Variants in PTPRQ observed in about 807,000 individuals in gnomAD.
The protein encoded by PTPRQ is protein tyrosine phosphatase receptor type Q, also known as phosphatidylinositol phosphatase PTPRQ.
A neutral mutation model predicts 246.0 loss-of-function variants in PTPRQ; 199 were observed. That is an observed-to-expected ratio of 0.81 (90% CI 0.72 to 0.91). The LOEUF (loss-of-function observed/expected upper bound fraction) is 0.91, where lower values mean the gene tolerates loss of function less well. Ranked by LOEUF, PTPRQ falls within the 40% of genes least tolerant of loss-of-function variation. PTPRQ has a pLI of 0.00. For missense variants in PTPRQ, 2,624 were observed against 2,528.4 expected (o/e 1.04, Z -0.81); for synonymous variants, 869 against 853.2 (o/e 1.02, Z -0.32).
In PTPRQ at chr12:80,534,108, A is replaced by C. The variant is rs1198077578; in HGVS notation, c.2772A>C (p.Thr924=). 6.5e-7 allele frequency: 1 copy of C among 1,541,966 alleles called. No homozygotes were observed. Among genetic ancestry groups the C allele is most frequent in the Non-Finnish European group, 8.7e-7 (1 of 1,142,978 alleles). ...DYNVEYSAYV[T]ASTRFGDGKT... Reference sequence around the variant, plus strand: ...ATGTTGAATACAGTGCTTATGTAACAGCTAGCACCAGATTTGGTGATGGGA... The same window carrying C: ...ATGTTGAATACAGTGCTTATGTAACCGCTAGCACCAGATTTGGTGATGGGA... The change falls in exon 18 of 45, where the codon ACA becomes ACC. Residue 924 remains threonine (T), a synonymous_variant. Coordinates refer to ENST00000644991, the MANE Select transcript of PTPRQ (RefSeq NM_001145026.2).
intron 27 of PTPRQ, among the ~76,000 whole-genome samples, chr12:80,610,059 C>T (rs1392464559): frequency 6.6e-6 from 1 of 150,388 alleles, no homozygotes; most frequent in Admixed American, 6.7e-5. Context: ...TCAAATACTA[C>T]AGGAGCTATA....
intron 27 of PTPRQ, among the ~76,000 whole-genome samples, chr12:80,607,972 G>T (rs1255068876): frequency 1.3e-5 from 2 of 150,802 alleles, no homozygotes; most frequent in Admixed American, 1.3e-4. Flanking sequence ...GCTAATTATA[G>T]AGTTTGAGGT....
intron 17 of PTPRQ, chr12:80,525,853 G>T (rs1895669774): frequency 6.6e-6 from 1 of 151,968 alleles, no homozygotes; most frequent in Non-Finnish European, 1.5e-5. Context: ...TTGACCTATT[G>T]AAAAGCTCAG....
intron 25 of PTPRQ, among the ~76,000 whole-genome samples, chr12:80,563,328 G>A (rs924162924): frequency 1.3e-5 from 2 of 152,000 alleles, no homozygotes; most frequent in African/African-American, 4.8e-5. Context: ...GCAGCACTCT[G>A]CAGCCTAATC....
At chr12:80,467,295 A>T (rs1367517802) in intron 6 of PTPRQ, among the ~76,000 whole-genome samples, 2 of 152,106 alleles carry the variant, frequency 1.3e-5, no homozygotes, top group Non-Finnish European at 2.9e-5. Flanking sequence ...TGCAAATCAA[A>T]ACCACAATGA....
intron 26 of PTPRQ, among the ~76,000 whole-genome samples, chr12:80,602,315 T>C (rs1242715027): frequency 6.6e-6 from 1 of 151,868 alleles, no homozygotes; most frequent in African/African-American, 2.4e-5. Flanking sequence ...CATAATGTTA[T>C]ATGCCTAAGA....
rs1894577432 is a variant in PTPRQ, at chr12:80,495,261, C to T, written c.1772C>T (p.Pro591Leu). 3.2e-6 allele frequency: 5 copies of T among 1,545,410 alleles called. No homozygotes were observed. The South Asian group carries it at 6.1e-5, about 19-fold the overall frequency. Reference protein sequence around the residue: ...SSSSILLYWDPPEYPNGKITH... With the variant: ...SSSSILLYWDLPEYPNGKITH... ...TCATCTATTTTGTTATATTGGGATC[C>T]TCCAGAATATCCCAATGGAAAAATA... The change falls in exon 12 of 45, where the codon CCT becomes CTT. Residue 591 changes from proline (P) to leucine (L), a missense_variant. Pro to Leu is a moderately conservative substitution (Grantham distance 98). Coordinates refer to ENST00000644991, the MANE Select transcript of PTPRQ (RefSeq NM_001145026.2).
chr12:80,468,308 T>G (rs746386046), intron 6 of PTPRQ, among the ~76,000 whole-genome samples: 16 of 152,142 alleles, frequency 1.1e-4, no homozygotes, highest in Non-Finnish European at 2.4e-4. Flanking sequence ...CTACCTGTGT[T>G]AATAAGAGAG....
intron 3 of PTPRQ, among the ~76,000 whole-genome samples, chr12:80,455,532 T>C (rs1340924291): frequency 6.6e-6 from 1 of 152,076 alleles, no homozygotes; most frequent in East Asian, 1.9e-4. Flanking sequence ...TTTCAACAAA[T>C]ATTTCTTGAA....
intron 7 of PTPRQ, among the ~76,000 whole-genome samples, chr12:80,469,739 C>G (rs1893564730): frequency 6.6e-6 from 1 of 152,202 alleles, no homozygotes; most frequent in Admixed American, 6.5e-5. Flanking sequence ...AGATAATTCC[C>G]TCCACTCACC....
intron 4 of PTPRQ, 73 bp downstream of exon 4, chr12:80,457,717 T>A (rs534698075): frequency 1.5e-5 from 6 of 398,776 alleles, no homozygotes; most frequent in Non-Finnish European, 2.2e-5. Flanking sequence ...AGAACATAAA[T>A]AAAAACTGAC....
At chr12:80,457,937 A>G (rs1592527041) in intron 4 of PTPRQ, among the ~76,000 whole-genome samples, 1 of 152,040 alleles carries the variant, frequency 6.6e-6, no homozygotes, top group African/African-American at 2.4e-5. Context: ...ATTTTGGTGC[A>G]TTTCTGGCTT....
chr12:80,661,694 G>A (rs924493843), intron 39 of PTPRQ, among the ~76,000 whole-genome samples: 1 of 151,324 alleles, frequency 6.6e-6, no homozygotes, highest in Non-Finnish European at 1.5e-5. Context: ...GAGCTTATAT[G>A]GGTAAATAAA....
chr12:80,547,798 GT>G (rs1896351634), intron 24 of PTPRQ, among the ~76,000 whole-genome samples: 1 of 152,128 alleles, frequency 6.6e-6, no homozygotes, highest in Non-Finnish European at 1.5e-5. Context: ...TTTATAGAGT[GT>G]TGTACACACA....
intron 24 of PTPRQ, among the ~76,000 whole-genome samples, chr12:80,548,557 TAG>T (rs1896377308): frequency 1.3e-5 from 2 of 152,156 alleles, no homozygotes; most frequent in African/African-American, 4.8e-5. Flanking sequence ...TAGAGCGGTG[TAG>T]GCAGATCAGG....
At chr12:80,505,292 A>C (rs925211906) in intron 14 of PTPRQ, among the ~76,000 whole-genome samples, 3 of 151,868 alleles carry the variant, frequency 2.0e-5, no homozygotes, top group Admixed American at 1.3e-4. Flanking sequence ...GCCAGTCACC[A>C]CTGAATTCTA....
intron 14 of PTPRQ, among the ~76,000 whole-genome samples, chr12:80,502,175 G>A (rs1386774398): frequency 6.6e-6 from 1 of 151,914 alleles, no homozygotes; most frequent in African/African-American, 2.4e-5. Context: ...GAGGGATAGA[G>A]CTTGGAAAGG....
At chr12:80,637,443 G>T (rs1485097326) in intron 35 of PTPRQ, among the ~76,000 whole-genome samples, 1 of 152,104 alleles carries the variant, frequency 6.6e-6, no homozygotes, top group East Asian at 1.9e-4. Context: ...TACACACAGA[G>T]AATTAGTATA....
At chr12:80,559,196 C>A (rs1896754350) in intron 25 of PTPRQ, among the ~76,000 whole-genome samples, 1 of 152,170 alleles carries the variant, frequency 6.6e-6, no homozygotes, top group African/African-American at 2.4e-5. Flanking sequence ...AGACGCGTGC[C>A]ACCATGCCCG....
Sources: allele counts gnomAD v4.1 joint callset (sites outside exome capture counted in the v4.1 genomes callset), GRCh38; gene constraint gnomAD v4.1.1; transcripts MANE v1.5; gene names NCBI Gene and HGNC (gene_info 2026-07-23, HGNC 2026-07-21).